Variants in SLC39A9 observed in about 807,000 individuals in gnomAD.
SLC39A9 encodes the protein zinc transporter ZIP9.
A neutral mutation model predicts 28.4 loss-of-function variants in SLC39A9; 14 were observed. The ratio of observed to expected loss-of-function variants is 0.49; its 90% CI spans 0.33 to 0.77. The LOEUF (loss-of-function observed/expected upper bound fraction) is 0.77. Ranked by LOEUF, SLC39A9 falls within the 30% of genes least tolerant of loss-of-function variation. The pLI is 0.02. For missense variants in SLC39A9, 283 were observed against 381.1 expected (o/e 0.74, Z 2.14); for synonymous variants, 119 against 149.6 (o/e 0.80, Z 1.49).
In SLC39A9 at chr14:69,442,835, G is replaced by C. The variant is rs529046598; in HGVS notation, c.403+569G>C. Among the ~76,000 whole-genome samples the C allele has an allele frequency of 4.6e-5, 7 of 152,284 alleles. No individual in the cohort carries two copies. In the South Asian group the frequency reaches 1.5e-3, roughly 32 times the overall value. On this transcript the variant is annotated intron_variant, in intron 3 of 6. Transcript: ENST00000336643. Reference sequence around the variant, plus strand: ...CTTAAGAACATTAAATTATGAGGTAGTCTGTAACAAGGCAACATGTATGTC... The same window carrying C: ...CTTAAGAACATTAAATTATGAGGTACTCTGTAACAAGGCAACATGTATGTC...
intron 3 of SLC39A9, among the ~76,000 whole-genome samples, chr14:69,449,688 C>G (rs1213027277): frequency 1.3e-5 from 2 of 152,166 alleles, no homozygotes; most frequent in Admixed American, 1.3e-4. Context: ...ACCTATAGTT[C>G]AGGGAGTTGT....
chr14:69,438,956 A>G (rs1309831105), intron 2 of SLC39A9, among the ~76,000 whole-genome samples: 1 of 152,230 alleles, frequency 6.6e-6, no homozygotes, highest in Non-Finnish European at 1.5e-5. Flanking sequence ...GACAAAAAAG[A>G]TAGAAGGCAT....
chr14:69,404,427 T>A (rs2140245333), intron 1 of SLC39A9, among the ~76,000 whole-genome samples: 1 of 152,328 alleles, frequency 6.6e-6, no homozygotes, highest in African/African-American at 2.4e-5. Context: ...AGGATTGTTG[T>A]GAGGTTGAAA....
chr14:69,459,377 G>C lies in SLC39A9; in HGVS notation c.*784G>C, dbSNP rs927927592. On this transcript the variant is annotated 3_prime_UTR_variant, in exon 7 of 7. Coordinates refer to ENST00000336643, the MANE Select transcript of SLC39A9 (RefSeq NM_018375.5). ...CAGAATACCTGTCTCCACATTCCTAGAGAGGAGCCAAGTTCTAGTAGTTTC... is the reference window on the plus strand; with the variant it reads ...CAGAATACCTGTCTCCACATTCCTACAGAGGAGCCAAGTTCTAGTAGTTTC... 1.9e-5 allele frequency: 19 copies of C among 985,258 alleles called. No individual in the cohort carries two copies. The highest frequency in any genetic ancestry group is 2.3e-5 in the Non-Finnish European group (19 of 829,914). 61.0% of individuals were successfully genotyped at this position (985,258 alleles called of 1,614,324 possible).
At chr14:69,418,785 T>C (rs1426223953) in intron 1 of SLC39A9, among the ~76,000 whole-genome samples, 1 of 152,222 alleles carries the variant, frequency 6.6e-6, no homozygotes, top group Non-Finnish European at 1.5e-5. Flanking sequence ...GATTTTCTAG[T>C]TTATTTGCGT....
chr14:69,428,315 G>T (rs1399890458), intron 2 of SLC39A9, among the ~76,000 whole-genome samples: 2 of 149,978 alleles, frequency 1.3e-5, no homozygotes, highest in Non-Finnish European at 3.0e-5. Flanking sequence ...GTGCCCCAAA[G>T]AATTCAGCAG....
chr14:69,447,063 C>A (rs1885362052), intron 3 of SLC39A9, among the ~76,000 whole-genome samples: 1 of 151,566 alleles, frequency 6.6e-6, no homozygotes, highest in Non-Finnish European at 1.5e-5. Context: ...ATTTTTGCAA[C>A]CCTCCTTAAA....
chr14:69,441,563 T>C (rs969312198), intron 2 of SLC39A9, among the ~76,000 whole-genome samples: 4 of 152,208 alleles, frequency 2.6e-5, no homozygotes, highest in African/African-American at 4.8e-5. Flanking sequence ...TGCTGGCAAT[T>C]GTCTGCTGAT....
chr14:69,446,838 A>G (rs971470262), intron 3 of SLC39A9, among the ~76,000 whole-genome samples: 1 of 146,586 alleles, frequency 6.8e-6, no homozygotes, highest in Admixed American at 7.1e-5. Context: ...GTGCCATTGC[A>G]CTCCAGCCTG....
chr14:69,422,295 C>G (rs920362252), intron 1 of SLC39A9, among the ~76,000 whole-genome samples: 1 of 152,140 alleles, frequency 6.6e-6, no homozygotes, highest in Non-Finnish European at 1.5e-5. Flanking sequence ...TTATGTTGCC[C>G]AGGCTTGAGT....
chr14:69,451,166 G>A (rs138687522), intron 3 of SLC39A9, among the ~76,000 whole-genome samples: 24 of 152,204 alleles, frequency 1.6e-4, no homozygotes, highest in African/African-American at 2.4e-4. Flanking sequence ...ATTTGCTGGC[G>A]CAGAGTGATT....
At chr14:69,422,738 C>T (rs2140273085) in intron 1 of SLC39A9, among the ~76,000 whole-genome samples, 1 of 152,326 alleles carries the variant, frequency 6.6e-6, no homozygotes, top group East Asian at 1.9e-4. Context: ...GCACACACCA[C>T]CACACCCAGC....
At position 69,435,078 on chromosome 14, in the gene SLC39A9, T is replaced by G. The variant is rs559708222; in HGVS notation, c.206-6991T>G. ...TGTACATTCTCTTGTTCTGTAAATT[T>G]CAAGTCAAGTTGTTTGGTCTTCTAT... On this transcript the variant is annotated intron_variant, in intron 2 of 6. Coordinates refer to ENST00000336643, the MANE Select transcript of SLC39A9 (RefSeq NM_018375.5). Among the ~76,000 whole-genome samples, 12 of 152,366 alleles carry G rather than the reference T, an allele frequency of 7.9e-5. 1 individual carries two copies. In the South Asian group the frequency reaches 2.5e-3, roughly 32 times the overall value.
chr14:69,448,075 C>A (rs926547952), intron 3 of SLC39A9, among the ~76,000 whole-genome samples: 1 of 151,618 alleles, frequency 6.6e-6, no homozygotes, highest in Non-Finnish European at 1.5e-5. Context: ...ATTAGCCAGG[C>A]GTGTTGGCGG....
intron 1 of SLC39A9, among the ~76,000 whole-genome samples, chr14:69,417,952 C>T (rs151172863): frequency 0.012 from 1,844 of 152,100 alleles, 37 homozygotes; most frequent in African/African-American, 0.042. Context: ...AATTGAATAC[C>T]CTTTATTTCT....
intron 3 of SLC39A9, among the ~76,000 whole-genome samples, chr14:69,449,585 A>C (rs1885506430): frequency 1.3e-5 from 2 of 152,164 alleles, no homozygotes; most frequent in Non-Finnish European, 2.9e-5. Flanking sequence ...TGATTGTGCT[A>C]CTGTACTTCA....
chr14:69,440,664 G>A (rs1421716864), intron 2 of SLC39A9, among the ~76,000 whole-genome samples: 1 of 152,012 alleles, frequency 6.6e-6, no homozygotes, highest in Non-Finnish European at 1.5e-5. Context: ...ATTATTTTGT[G>A]AAACTGTTTT....
chr14:69,398,997 CCCG>C lies in SLC39A9; in HGVS notation c.-364_-362del. Reference sequence around the variant, plus strand: ...CGAACAGGTTCGCTTGAGTCACTTACCCGCCGCCGCCTAAGACATTGTGCCACC... The same window carrying C: ...CGAACAGGTTCGCTTGAGTCACTTACCCGCCGCCTAAGACATTGTGCCACC... On this transcript the variant is annotated 5_prime_UTR_variant, in exon 1 of 7. Coordinates refer to ENST00000336643, the MANE Select transcript of SLC39A9 (RefSeq NM_018375.5). The C allele has an allele frequency of 5.0e-6, 1 of 200,298 alleles. No homozygotes were observed. Among genetic ancestry groups the C allele is most frequent in the Non-Finnish European group, 1.0e-5 (1 of 98,306 alleles). The allele number at this position is 200,298 out of a possible 1,614,324, so 12.4% of individuals were successfully genotyped here.
chr14:69,432,279 T>C (rs746840197), intron 2 of SLC39A9, among the ~76,000 whole-genome samples: 2 of 152,212 alleles, frequency 1.3e-5, no homozygotes, highest in African/African-American at 4.8e-5. Context: ...TGATATCTTA[T>C]TTTGGTTTTG....
Sources: gnomAD v4.1 joint callset for allele counts (sites outside exome capture counted in the v4.1 genomes callset) on GRCh38, gnomAD v4.1.1 for gene constraint, MANE v1.5 for transcripts, NCBI Gene and HGNC (gene_info 2026-07-23, HGNC 2026-07-21) for gene names.